ALDH1A2: variants seen among roughly 807,000 people sequenced by gnomAD.
ALDH1A2 encodes aldehyde dehydrogenase 1 family member A2.
ALDH1A2 carries 27 observed loss-of-function variants against 60.3 expected under a neutral mutation model. The observed-to-expected ratio is 0.45, with a 90% confidence interval of 0.33 to 0.62. The LOEUF (loss-of-function observed/expected upper bound fraction) is 0.62. ALDH1A2 is among the 20% of genes least tolerant of loss of function. ALDH1A2 has a pLI of 0.02. For synonymous variants in ALDH1A2, 289 were observed against 232.4 expected (o/e 1.24, Z -2.21); for missense variants, 581 against 643.8 (o/e 0.90, Z 1.06).
intron 7 of ALDH1A2, among the ~76,000 whole-genome samples, chr15:57,986,571 CAAAAAA>C (rs71116542): frequency 5.5e-4 from 45 of 82,076 alleles, no homozygotes; most frequent in African/African-American, 1.9e-3. Context: ...ACAGAAAAGC[CAAAAAA>C]AAAAAAAAAA....
intron 7 of ALDH1A2, among the ~76,000 whole-genome samples, chr15:57,976,025 A>G (rs907151744): frequency 1.3e-5 from 2 of 152,258 alleles, no homozygotes; most frequent in African/African-American, 4.8e-5. Context: ...ATAAAGGTAC[A>G]TTAAACAAAA....
intron 4 of ALDH1A2, among the ~76,000 whole-genome samples, chr15:57,996,097 C>T (rs1895052242): frequency 6.6e-6 from 1 of 152,006 alleles, no homozygotes. Context: ...AAACACTCAG[C>T]TAATATTCAT....
chr15:57,987,961 T>C (rs1324902257), intron 7 of ALDH1A2, among the ~76,000 whole-genome samples: 1 of 150,502 alleles, frequency 6.6e-6, no homozygotes, highest in African/African-American at 2.4e-5. Flanking sequence ...TCATCACTAG[T>C]AGACCTACGC....
At chr15:58,059,335 G>A (rs181177560) in intron 1 of ALDH1A2, among the ~76,000 whole-genome samples, 67 of 152,268 alleles carry the variant, frequency 4.4e-4, no homozygotes, top group Non-Finnish European at 6.6e-4. Flanking sequence ...GAAATGCTAG[G>A]AGGGCTTTCA....
At chr15:57,997,852 A>C (rs1895116595) in intron 4 of ALDH1A2, among the ~76,000 whole-genome samples, 2 of 152,118 alleles carry the variant, frequency 1.3e-5, no homozygotes, top group South Asian at 4.1e-4. Flanking sequence ...TAACACAGGG[A>C]AAGAGACAGA....
At chr15:58,040,940 G>T (rs1187807405) in intron 1 of ALDH1A2, among the ~76,000 whole-genome samples, 1 of 151,832 alleles carries the variant, frequency 6.6e-6, no homozygotes, top group African/African-American at 2.4e-5. Flanking sequence ...CTTCCCCCCA[G>T]TTAGGAACAC....
At chr15:58,050,494 A>C (rs1025573998) in intron 1 of ALDH1A2, among the ~76,000 whole-genome samples, 2 of 152,162 alleles carry the variant, frequency 1.3e-5, no homozygotes, top group African/African-American at 2.4e-5. Context: ...TTAATCTTCA[A>C]ATTTCACTAA....
chr15:58,065,493 A>G (rs377039360), intron 1 of ALDH1A2, 41 bp downstream of exon 1: 15 of 1,523,536 alleles, frequency 9.8e-6, no homozygotes, highest in East Asian at 4.5e-5. Context: ...AGAAGGTTCT[A>G]GAAAGTCTCC....
intron 12 of ALDH1A2, 44 bp from the exon 13 acceptor site, chr15:57,955,313 G>C: frequency 1.2e-6 from 2 of 1,605,552 alleles, no homozygotes; most frequent in South Asian, 1.1e-5. Flanking sequence ...GAAGTCCAGG[G>C]AGCTGCATGT....
At chr15:57,984,608 C>G (rs1003642877) in intron 7 of ALDH1A2, among the ~76,000 whole-genome samples, 1 of 152,228 alleles carries the variant, frequency 6.6e-6, no homozygotes, top group Admixed American at 6.5e-5. Flanking sequence ...CATACAGTCA[C>G]ATGATACAGT....
rs1330878685 is a variant in ALDH1A2, at chr15:57,955,118, T to G, written c.*79A>C. 2.1e-6 allele frequency: 3 copies of G among 1,427,148 alleles called. No homozygotes were observed. The African/African-American group carries it at 4.2e-5, about 20-fold the overall frequency. The allele number at this position is 1,427,148 out of a possible 1,614,324, so 88.4% of individuals were successfully genotyped here. On this transcript the variant is annotated 3_prime_UTR_variant, in exon 13 of 13. Coordinates refer to ENST00000249750, the MANE Select transcript of ALDH1A2 (RefSeq NM_003888.4). ...GTAAGGACCGTGGCTCAACTTTGTA[T>G]TCCTGAGAGCTGGGCCCTACAGAGA... is the stretch of plus-strand genomic sequence containing the variant.
At chr15:58,017,280 GTATT>G (rs1301229958) in intron 1 of ALDH1A2, among the ~76,000 whole-genome samples, 4 of 152,108 alleles carry the variant, frequency 2.6e-5, no homozygotes, top group Non-Finnish European at 5.9e-5. Context: ...ATCTTTTATA[GTATT>G]TGTTGATAAA....
At chr15:57,972,885 T>A (rs4646611) in intron 7 of ALDH1A2, among the ~76,000 whole-genome samples, 4 of 151,644 alleles carry the variant, frequency 2.6e-5, no homozygotes, top group Admixed American at 2.6e-4. Flanking sequence ...CCACCTCCCC[T>A]AACCTAAAAT....
chr15:58,013,429 G>C (rs1002572755), intron 3 of ALDH1A2, among the ~76,000 whole-genome samples: 17 of 152,136 alleles, frequency 1.1e-4, no homozygotes, highest in African/African-American at 4.1e-4. Context: ...ATATTCAGCT[G>C]ATCCTCCATT....
intron 4 of ALDH1A2, among the ~76,000 whole-genome samples, chr15:58,000,968 A>C (rs966141005): frequency 6.8e-6 from 1 of 146,996 alleles, no homozygotes; most frequent in African/African-American, 2.5e-5. Context: ...TAACTCTACT[A>C]ATTTTCCTGA....
At chr15:58,062,721 G>A (rs1250208276) in intron 1 of ALDH1A2, among the ~76,000 whole-genome samples, 1 of 151,992 alleles carries the variant, frequency 6.6e-6, no homozygotes, top group African/African-American at 2.4e-5. Context: ...CCTTCATAAG[G>A]GATCACTTTT....
At chr15:57,966,856 C>T (rs997412194) in intron 7 of ALDH1A2, among the ~76,000 whole-genome samples, 8 of 152,136 alleles carry the variant, frequency 5.3e-5, no homozygotes, top group East Asian at 3.9e-4. Flanking sequence ...ACTCCAACTC[C>T]GTGAATGCTC....
chr15:58,035,487 T>A (rs1446087701), intron 1 of ALDH1A2, among the ~76,000 whole-genome samples: 1 of 151,724 alleles, frequency 6.6e-6, no homozygotes, highest in African/African-American at 2.4e-5. Flanking sequence ...CTGTTTACAT[T>A]ACTCTTCTTT....
chr15:57,996,503 CTTTTTT>C (rs76510714), intron 4 of ALDH1A2, among the ~76,000 whole-genome samples: 1 of 139,666 alleles, frequency 7.2e-6, no homozygotes, highest in Non-Finnish European at 1.6e-5. Flanking sequence ...GTTTTTCCCT[CTTTTTT>C]TTTTTTTTCC....
Sources: gnomAD v4.1 joint callset for allele counts (sites outside exome capture counted in the v4.1 genomes callset) on GRCh38, gnomAD v4.1.1 for gene constraint, MANE v1.5 for transcripts, NCBI Gene and HGNC (gene_info 2026-07-23, HGNC 2026-07-21) for gene names.